The following GLIS3 variants were observed in gnomAD, a reference collection of about 807,000 sequenced individuals.
GLIS3 encodes zinc finger protein GLIS3.
A neutral mutation model predicts 78.6 loss-of-function variants in GLIS3; 53 were observed. That is an observed-to-expected ratio of 0.67 (90% CI 0.54 to 0.85). The LOEUF is 0.85. GLIS3 is among the 40% of genes least tolerant of loss of function. The pLI is 0.00. For missense variants in GLIS3, 1,703 were observed against 1,231.1 expected (o/e 1.38, Z -5.74); for synonymous variants, 684 against 509.9 (o/e 1.34, Z -4.60).
intron 4 of GLIS3, among the ~76,000 whole-genome samples, chr9:3,952,095 G>GA (rs33929698): frequency 1.9e-4 from 29 of 150,488 alleles, no homozygotes; most frequent in African/African-American, 3.4e-4. Flanking sequence ...GGCAGATCTG[G>GA]AAAAAAAAAT....
At chr9:4,454,332 G>T in the GLIS3 span, among the ~76,000 whole-genome samples, 1 of 152,238 alleles carries the variant, frequency 6.6e-6, no homozygotes, top group Admixed American at 6.5e-5. Flanking sequence ...ATAAAATGGG[G>T]TTGAGACTTC....
At chr9:4,436,172 A>C in the GLIS3 span, among the ~76,000 whole-genome samples, 8 of 152,334 alleles carry the variant, frequency 5.3e-5, no homozygotes, top group East Asian at 1.5e-3. Flanking sequence ...AGTTACAGAT[A>C]TGAAGATGAT....
chr9:4,013,816 G>T (rs564953935), intron 4 of GLIS3, among the ~76,000 whole-genome samples: 2 of 152,282 alleles, frequency 1.3e-5, no homozygotes, highest in East Asian at 3.9e-4. Flanking sequence ...ATAAAATCTG[G>T]ATGATCCAAC....
chr9:3,842,641 G>T (rs1046149427), intron 9 of GLIS3, among the ~76,000 whole-genome samples: 1 of 152,174 alleles, frequency 6.6e-6, no homozygotes, highest in African/African-American at 2.4e-5. Flanking sequence ...GGGTTGGGGG[G>T]CATCAGCTCC....
At chr9:4,022,866 A>T (rs1264345387) in intron 4 of GLIS3, among the ~76,000 whole-genome samples, 1 of 152,212 alleles carries the variant, frequency 6.6e-6, no homozygotes, top group Non-Finnish European at 1.5e-5. Flanking sequence ...AATGCAAACT[A>T]ATCTACAGTG....
At chr9:4,171,105 A>G (rs1400660071) in intron 2 of GLIS3, among the ~76,000 whole-genome samples, 1 of 152,216 alleles carries the variant, frequency 6.6e-6, no homozygotes, top group Admixed American at 6.5e-5. Flanking sequence ...CCTGTAAGTC[A>G]TATTTAGAAT....
chr9:4,289,593 C>G (rs907693597), intron 1 of GLIS3, among the ~76,000 whole-genome samples: 2 of 151,992 alleles, frequency 1.3e-5, no homozygotes, highest in Non-Finnish European at 2.9e-5. Context: ...AAAATCCAAT[C>G]ACATTATTCT....
At chr9:4,101,210 T>A (rs1417034820) in intron 4 of GLIS3, among the ~76,000 whole-genome samples, 1 of 152,200 alleles carries the variant, frequency 6.6e-6, no homozygotes, top group Non-Finnish European at 1.5e-5. Flanking sequence ...GCAACCATCT[T>A]TTCTACTGCA....
At chr9:3,866,510 A>C (rs1422586720) in intron 8 of GLIS3, among the ~76,000 whole-genome samples, 3 of 152,274 alleles carry the variant, frequency 2.0e-5, no homozygotes, top group South Asian at 2.1e-4. Flanking sequence ...ATAGTCAAGA[A>C]GGGCCTTTCT....
the GLIS3 span, among the ~76,000 whole-genome samples, chr9:4,488,272 C>A: frequency 1.3e-4 from 20 of 152,230 alleles, no homozygotes; most frequent in African/African-American, 4.3e-4. Flanking sequence ...TTATTTTACA[C>A]ACATGTGATC....
At chr9:4,307,975 G>A (rs1049437909) in intron 4 of GLIS3, among the ~76,000 whole-genome samples, 1 of 152,146 alleles carries the variant, frequency 6.6e-6, no homozygotes, top group African/African-American at 2.4e-5. Flanking sequence ...AGCAGCAACA[G>A]AAAAGTAATG....
intron 2 of GLIS3, among the ~76,000 whole-genome samples, chr9:4,189,194 G>T (rs1818097355): frequency 6.6e-6 from 1 of 151,562 alleles, no homozygotes; most frequent in South Asian, 2.1e-4. Flanking sequence ...CTGGTATGTT[G>T]TGTCTTTGTT....
chr9:4,136,417 T>C (rs1833413283), intron 2 of GLIS3, among the ~76,000 whole-genome samples: 1 of 152,172 alleles, frequency 6.6e-6, no homozygotes, highest in Non-Finnish European at 1.5e-5. Flanking sequence ...CATGGAGATG[T>C]CCACAGTCCA....
intron 2 of GLIS3, among the ~76,000 whole-genome samples, chr9:4,199,970 C>T (rs1201691617): frequency 6.6e-6 from 1 of 152,112 alleles, no homozygotes; most frequent in Non-Finnish European, 1.5e-5. Flanking sequence ...TCTTGGACCA[C>T]AGTGGAATAA....
At chr9:4,252,959 A>C (rs2129895502) in intron 2 of GLIS3, among the ~76,000 whole-genome samples, 1 of 152,304 alleles carries the variant, frequency 6.6e-6, no homozygotes, top group East Asian at 1.9e-4. Flanking sequence ...AACAGCAAAA[A>C]TTGCTGCCTG....
At chr9:4,207,659 C>G (rs994574591) in intron 2 of GLIS3, among the ~76,000 whole-genome samples, 2 of 152,142 alleles carry the variant, frequency 1.3e-5, no homozygotes, top group Non-Finnish European at 2.9e-5. Flanking sequence ...CATAATCGTA[C>G]TCATTGTGCC....
chr9:4,172,086 T>C (rs1816422308), intron 2 of GLIS3, among the ~76,000 whole-genome samples: 1 of 152,196 alleles, frequency 6.6e-6, no homozygotes, highest in Non-Finnish European at 1.5e-5. Context: ...TATTTAAGGC[T>C]ATATGAGAAA....
rs1564088053 is a variant in GLIS3 at position 4,125,889 on chromosome 9, G to T, written c.441C>A (p.Asn147Lys). ...TGGGACTGCTGGTGACCACTAGATT[G>T]TTGCAGCTGCCTTTTCCAATGGACT... ...QCKSIGKGSC[N>K]NLVVTSSPMM... The change falls in exon 3 of 11, where the codon AAC becomes AAA. Residue 147 changes from asparagine to lysine, a missense_variant. By Grantham distance (94) the Asn-to-Lys change is moderately conservative. Transcript: ENST00000381971. The T allele has an allele frequency of 1.2e-6, 2 of 1,613,982 alleles. No homozygotes were observed. The highest frequency in any genetic ancestry group is 1.7e-6 in the Non-Finnish European group (2 of 1,179,944).
At chr9:4,334,202 G>A (rs976507107) in intron 2 of GLIS3, among the ~76,000 whole-genome samples, 2 of 152,138 alleles carry the variant, frequency 1.3e-5, no homozygotes, top group Admixed American at 6.5e-5. Context: ...TGAGTAAAGG[G>A]GACAGTGAAA....
Sources: gnomAD v4.1 joint callset for allele counts (sites outside exome capture counted in the v4.1 genomes callset) on GRCh38, gnomAD v4.1.1 for gene constraint, MANE v1.5 for transcripts, NCBI Gene and HGNC (gene_info 2026-07-23, HGNC 2026-07-21) for gene names.